SGSM2: variants seen among roughly 807,000 people sequenced by gnomAD.
SGSM2 encodes RUN and TBC1 domain containing 1.
Under a neutral mutation model 126.6 loss-of-function variants are expected in SGSM2, and 89 were observed. The ratio of observed to expected loss-of-function variants is 0.70; its 90% confidence interval spans 0.59 to 0.84. SGSM2 has a LOEUF of 0.84. SGSM2 is among the 40% of genes least tolerant of loss of function. SGSM2 has a pLI of 0.00. For missense variants in SGSM2, 1,404 were observed against 1,416.6 expected, an observed-to-expected ratio of 0.99 and a Z score of 0.14; for synonymous variants, 614 against 574.3, an observed-to-expected ratio of 1.07 and a Z score of -0.99.
At position 2,379,016 on chromosome 17, in the gene SGSM2, C is replaced by T. The variant is rs2151648418; in HGVS notation, c.2900-20C>T. 2 of 1,607,948 alleles carry T rather than the reference C, an allele frequency of 1.2e-6. No homozygotes were observed. The highest frequency in any genetic ancestry group is 2.2e-5 in the East Asian group (1 of 44,672). On this transcript the variant is annotated intron_variant, in intron 22 of 23. Coordinates refer to ENST00000268989, the MANE Select transcript of SGSM2 (RefSeq NM_014853.3). ...ATATGCGGCTAGGACGGGTGAGCAGCAGCCGCTTACTCTCCGCAGAACTGC... is the reference window on the plus strand; with the variant it reads ...ATATGCGGCTAGGACGGGTGAGCAGTAGCCGCTTACTCTCCGCAGAACTGC...
At chr17:2,376,313 A>T in intron 19 of SGSM2, 52 bp downstream of exon 19, 1 of 1,494,172 alleles carries the variant, frequency 6.7e-7, no homozygotes, top group Non-Finnish European at 9.0e-7. Context: ...GCCGCCAGTT[A>T]CTCTGTGAAG....
In SGSM2 at chr17:2,380,653, G is replaced by A. The variant is rs1053869005; in HGVS notation, c.*1133G>A. The A allele has an allele frequency of 1.1e-5, 4 of 367,940 alleles. No individual in the cohort carries two copies. In the East Asian group the frequency reaches 1.9e-4, roughly 17 times the overall value. The allele number at this position is 367,940 out of a possible 1,614,324, so 22.8% of individuals were successfully genotyped here. ...CCAGGCCTAGGCATGCTGCTTGCTC[G>A]GCCATCCCCACTTCCTCCTCTACCC... On this transcript the variant is annotated 3_prime_UTR_variant, in exon 24 of 24. Transcript: ENST00000268989.
In SGSM2 at chr17:2,375,684, C is replaced by T. The variant is rs759592691; in HGVS notation, c.2293C>T (p.Gln765Ter). The T allele has an allele frequency of 6.2e-7, 1 of 1,613,946 alleles. No individual in the cohort carries two copies. The highest frequency in any genetic ancestry group is 1.7e-5 in the Admixed American group (1 of 60,014). Residue 765 changes from glutamine (Q) to a stop codon, truncating the protein, a stop_gained, in exon 18 of 24, where the codon CAG becomes TAG. Transcript: ENST00000268989. LOFTEE classifies it high-confidence loss of function. ...CAATTACTCCGTGGCCTCGGGCATC[C>T]AGTCAAGCCTAGATGAGGGGCAGAG... ...SRNYSVASGI[Q>*]SSLDEGQSVG...
chr17:2,350,306 G>A (rs185080879), intron 2 of SGSM2, among the ~76,000 whole-genome samples: 69 of 151,784 alleles, frequency 4.5e-4, no homozygotes, highest in African/African-American at 1.5e-3. Context: ...CTGGAGGAGC[G>A]TCTTTGAAAA....
At chr17:2,373,937 G>A (rs2066005523) in intron 17 of SGSM2, 1 of 178,614 alleles carries the variant, frequency 5.6e-6, no homozygotes, top group East Asian at 1.5e-4. Context: ...TCTGACTGCA[G>A]AGGCTTCCTG....
In SGSM2 at chr17:2,375,558, C is replaced by G; in HGVS notation, c.2167C>G (p.Pro723Ala). 1 of 1,613,800 alleles carries G rather than the reference C, an allele frequency of 6.2e-7. No homozygotes were observed. The highest frequency in any genetic ancestry group is 8.5e-7 in the Non-Finnish European group (1 of 1,179,984). The change falls in exon 18 of 24, where the codon CCT (proline) becomes GCT (alanine). Residue 723 changes from proline to alanine, a missense_variant. Pro to Ala is a conservative substitution (Grantham distance 27). Coordinates refer to ENST00000268989, the MANE Select transcript of SGSM2 (RefSeq NM_014853.3). ...GGACCCTGAAGATTCCAGACCAAAA[C>G]CTGAGCAGGAAGCAGGACCCGGGAC... ...PQDPEDSRPK[P>A]EQEAGPGTPG...
In SGSM2 at chr17:2,362,357, A is replaced by C; in HGVS notation, c.458+87A>C. The C allele has an allele frequency of 7.1e-7, 1 of 1,398,642 alleles. No homozygotes were observed. The highest frequency in any genetic ancestry group is 9.6e-7 in the Non-Finnish European group (1 of 1,042,244). The allele number at this position is 1,398,642 out of a possible 1,614,324, so 86.6% of individuals were successfully genotyped here. A position where few individuals can be genotyped will look rare whatever the true frequency, so the allele number is the denominator to read the frequency against. ...GACCGCCCCGTTCCCCAAAAACTGCAGGTGACCGCCCCGTTCCCCAAAAAC... is the reference window on the plus strand; with the variant it reads ...GACCGCCCCGTTCCCCAAAAACTGCCGGTGACCGCCCCGTTCCCCAAAAAC... On this transcript the variant is annotated intron_variant, in intron 4 of 23. Coordinates refer to ENST00000268989, the MANE Select transcript of SGSM2 (RefSeq NM_014853.3). This position sits in a 1 kb window ranked among gnomAD's most constrained non-coding sequence, Gnocchi z 4.9.
chr17:2,353,322 G>C (rs942599110), intron 2 of SGSM2, among the ~76,000 whole-genome samples: 1 of 152,160 alleles, frequency 6.6e-6, no homozygotes, highest in African/African-American at 2.4e-5. Context: ...CCTGGGTTTT[G>C]TGAATTCTGA....
In SGSM2 at chr17:2,337,568, C is replaced by CGGA. The variant is rs1426613985; in HGVS notation, c.-119_-118insAGG. 2 of 502,648 alleles carry CGGA rather than the reference C, an allele frequency of 4.0e-6. No homozygotes were observed. Among genetic ancestry groups the CGGA allele is most frequent in the Non-Finnish European group, 5.3e-6 (2 of 373,890 alleles). The allele number at this position is 502,648 out of a possible 1,614,324, so 31.1% of individuals were successfully genotyped here. On this transcript the variant is annotated 5_prime_UTR_variant, in exon 1 of 24. Coordinates refer to ENST00000268989, the MANE Select transcript of SGSM2 (RefSeq NM_014853.3). The surrounding 1 kb of genome is among the most constrained non-coding windows in gnomAD (Gnocchi z 5.1). The stretch of plus-strand genomic sequence containing the variant: ...GTGGCTGCGGCGGCGGCGGCGGCGG[C>CGGA]GGGCCGGGAGCGCGGCGGGCGGGGG...
At chr17:2,371,122 C>G (rs1425269754) in intron 12 of SGSM2, 140 bp from the exon 13 acceptor site, 8 of 939,518 alleles carry the variant, frequency 8.5e-6, no homozygotes, top group Non-Finnish European at 1.1e-5. Flanking sequence ...GGGCTCTGGA[C>G]CAGGCAGGCC....
At chr17:2,369,833 T>C (rs1188085207) in intron 12 of SGSM2, among the ~76,000 whole-genome samples, 1 of 151,916 alleles carries the variant, frequency 6.6e-6, no homozygotes, top group African/African-American at 2.4e-5. Context: ...CCACTGCACC[T>C]GCACCCTCCC....
intron 21 of SGSM2, 94 bp from the exon 22 acceptor site, chr17:2,377,763 G>C (rs1360868840): frequency 1.3e-6 from 1 of 783,390 alleles, no homozygotes; most frequent in East Asian, 2.5e-5. Context: ...GTTGGGGATC[G>C]CCTGCATCCC....
intron 2 of SGSM2, among the ~76,000 whole-genome samples, chr17:2,354,326 G>C (rs1037435971): frequency 2.6e-5 from 4 of 152,154 alleles, no homozygotes; most frequent in African/African-American, 9.7e-5. Flanking sequence ...GGGATTACAG[G>C]CGTGAGCCAC....
At chr17:2,361,503 A>T (rs2065306762) in intron 2 of SGSM2, 134 bp from the exon 3 acceptor site, 1 of 1,104,024 alleles carries the variant, frequency 9.1e-7, no homozygotes, top group Admixed American at 2.4e-5. Flanking sequence ...TTTGGAAGGA[A>T]GCCAGGGTAT....
intron 18 of SGSM2, 29 bp downstream of exon 18, chr17:2,375,904 A>T: frequency 6.6e-7 from 1 of 1,508,328 alleles, no homozygotes; most frequent in Non-Finnish European, 8.8e-7. Context: ...GGCTGTTCCC[A>T]GCCGCCCCAG....
intron 1 of SGSM2, among the ~76,000 whole-genome samples, chr17:2,338,101 G>A (rs1002114574): frequency 1.3e-5 from 2 of 152,038 alleles, no homozygotes; most frequent in Non-Finnish European, 2.9e-5. Flanking sequence ...GGGAGGGGGC[G>A]GGGCCCCGCG....
intron 23 of SGSM2, 84 bp from the exon 24 acceptor site, chr17:2,379,348 G>A (rs1398592355): frequency 1.9e-6 from 3 of 1,568,052 alleles, no homozygotes; most frequent in Admixed American, 3.6e-5. Flanking sequence ...CAGAGCAGAT[G>A]GAAACAGAGC....
Position 2,376,183 on chromosome 17 carries a change from A to G in SGSM2, c.2531A>G (p.Lys844Arg). Residue 844 changes from lysine (K) to arginine (R), a missense_variant, in exon 19 of 24, where the codon AAG becomes AGG. Lys to Arg is a conservative substitution (Grantham distance 26, BLOSUM62 2). Coordinates refer to ENST00000268989, the MANE Select transcript of SGSM2 (RefSeq NM_014853.3). ...TVALNLHRIDKDVQRCDRNYW... is the reference protein window; with the variant it reads ...TVALNLHRIDRDVQRCDRNYW... ...GCCTTAAACCTGCACCGCATAGACAAGGATGTGCAGAGGTGTGACCGCAAC... is the reference window on the plus strand; with the variant it reads ...GCCTTAAACCTGCACCGCATAGACAGGGATGTGCAGAGGTGTGACCGCAAC... The G allele has an allele frequency of 6.2e-7, 1 of 1,614,064 alleles. No homozygotes were observed. Among genetic ancestry groups the G allele is most frequent in the East Asian group, 2.2e-5 (1 of 44,876 alleles).
At chr17:2,375,150 T>C (rs1034634335) in intron 17 of SGSM2, 1 of 225,276 alleles carries the variant, frequency 4.4e-6, no homozygotes, top group Non-Finnish European at 8.7e-6. Flanking sequence ...CCCGGTCTCA[T>C]GACTTCAGGC....
Sources: gnomAD v4.1 joint callset for allele counts (sites outside exome capture counted in the v4.1 genomes callset) on GRCh38, gnomAD v4.1.1 for gene constraint, Gnocchi (gnomAD v3.1) non-coding constraint, MANE v1.5 for transcripts, NCBI Gene and HGNC (gene_info 2026-07-23, HGNC 2026-07-21) for gene names.